The following SIMC1 variants were observed in gnomAD, a reference collection of about 807,000 sequenced individuals.
The protein encoded by SIMC1 is SUMO interacting motifs containing 1.
In SIMC1, 55 loss-of-function variants were observed where a neutral mutation model predicts 82.3. The ratio of observed to expected loss-of-function variants is 0.67; its 90% CI spans 0.54 to 0.84. The LOEUF (loss-of-function observed/expected upper bound fraction) is 0.84. SIMC1 is among the 40% of genes least tolerant of loss of function. The pLI is 0.00. For missense variants in SIMC1, 915 were observed against 1,107.2 expected (o/e 0.83, Z 2.46); for synonymous variants, 353 against 426.3 (o/e 0.83, Z 2.12).
chr5:176,313,612 A>G, intron 4 of SIMC1, 79 bp from the exon 5 acceptor site: 1 of 1,578,456 alleles, frequency 6.3e-7, no homozygotes, highest in Non-Finnish European at 8.6e-7. Flanking sequence ...TCTTGGGCTT[A>G]GTATTTATGA....
chr5:176,323,771 G>C (rs1031157358), intron 6 of SIMC1, among the ~76,000 whole-genome samples: 1 of 152,066 alleles, frequency 6.6e-6, no homozygotes, highest in Non-Finnish European at 1.5e-5. Context: ...TGGATCATGA[G>C]GTCAGGAGAT....
At chr5:176,329,819 A>G (rs1162415928) in intron 7 of SIMC1, among the ~76,000 whole-genome samples, 2 of 152,234 alleles carry the variant, frequency 1.3e-5, no homozygotes, top group African/African-American at 4.8e-5. Flanking sequence ...TGTCAGAGAA[A>G]AGATTTACAC....
At chr5:176,303,319 A>G (rs1198946555) in intron 4 of SIMC1, among the ~76,000 whole-genome samples, 1 of 137,260 alleles carries the variant, frequency 7.3e-6, no homozygotes, top group Non-Finnish European at 1.5e-5. Flanking sequence ...CCAAATAGCC[A>G]AAGCAATTTT....
chr5:176,329,496 TAAAAA>T (rs60571584), intron 7 of SIMC1, among the ~76,000 whole-genome samples: 1 of 126,594 alleles, frequency 7.9e-6, no homozygotes, highest in Admixed American at 8.2e-5. Flanking sequence ...ACTCCCTCTT[TAAAAA>T]AAAAAAAAAA....
chr5:176,306,775 C>A (rs991911817), intron 4 of SIMC1, among the ~76,000 whole-genome samples: 1 of 146,348 alleles, frequency 6.8e-6, no homozygotes, highest in African/African-American at 2.5e-5. Context: ...ACAAACACTG[C>A]GGAGGCCGCA....
At chr5:176,294,455 T>C (rs1763713484) in intron 2 of SIMC1, among the ~76,000 whole-genome samples, 1 of 152,076 alleles carries the variant, frequency 6.6e-6, no homozygotes, top group East Asian at 1.9e-4. Context: ...ATTTTTATAT[T>C]TTTAGTAGAG....
At chr5:176,280,697 C>T (rs1762961068) in intron 1 of SIMC1, among the ~76,000 whole-genome samples, 1 of 152,150 alleles carries the variant, frequency 6.6e-6, no homozygotes, top group Admixed American at 6.5e-5. Context: ...ACTTATGAAG[C>T]TTCGTTTGGC....
intron 4 of SIMC1, among the ~76,000 whole-genome samples, chr5:176,305,520 G>C (rs1253010724): frequency 1.5e-5 from 2 of 132,694 alleles, no homozygotes; most frequent in South Asian, 2.3e-4. Context: ...CACCCCGTCT[G>C]GGAGGGAGGT....
At chr5:176,278,854 G>A (rs561349791) in intron 1 of SIMC1, among the ~76,000 whole-genome samples, 1 of 150,342 alleles carries the variant, frequency 6.7e-6, no homozygotes, top group Non-Finnish European at 1.5e-5. Flanking sequence ...CGGTTTGCCA[G>A]TATTTTATTG....
chr5:176,317,001 C>A (rs1764940106), intron 5 of SIMC1, among the ~76,000 whole-genome samples: 1 of 152,146 alleles, frequency 6.6e-6, no homozygotes, highest in African/African-American at 2.4e-5. Flanking sequence ...ACAACAACAA[C>A]AAAGATAGGC....
Position 176,289,830 on chromosome 5 carries a change from C to G in SIMC1, c.306C>G (p.Ser102Arg), listed in dbSNP as rs753315987. The G allele has an allele frequency of 3.1e-6, 5 of 1,614,008 alleles. No homozygotes were observed. The South Asian group carries it at 5.5e-5, about 18-fold the overall frequency. The change falls in exon 2 of 10, where the codon AGC (serine) becomes AGG (arginine). Residue 102 changes from serine (S) to arginine (R), a missense_variant. This residue lies in a region of SIMC1 where 902 missense variants were observed against 1,040.3 expected (regional missense o/e 0.87). Coordinates refer to ENST00000429602, the MANE Select transcript of SIMC1 (RefSeq NM_001308195.2). ...KEPTSLQTCA[S>R]LSGKAVMEGH... is the part of the protein sequence containing the mutation. ...CAACCAGTCTTCAGACATGTGCCAG[C>G]CTCTCTGGCAAAGCGGTGATGGAAG... is the stretch of plus-strand genomic sequence containing the variant.
intron 4 of SIMC1, among the ~76,000 whole-genome samples, chr5:176,305,096 G>A (rs1477786302): frequency 6.7e-6 from 1 of 148,474 alleles, no homozygotes; most frequent in Non-Finnish European, 1.5e-5. Flanking sequence ...GAGGGAGGTG[G>A]GGGGTCAGCC....
At chr5:176,331,544 T>C (rs58862063) in intron 7 of SIMC1, among the ~76,000 whole-genome samples, 84 of 150,994 alleles carry the variant, frequency 5.6e-4, no homozygotes, top group African/African-American at 1.5e-3. Flanking sequence ...CGAACTCCTG[T>C]CCTCAAGTGA....
chr5:176,329,299 G>A (rs955853115), intron 7 of SIMC1, among the ~76,000 whole-genome samples: 4 of 152,074 alleles, frequency 2.6e-5, no homozygotes, highest in South Asian at 2.1e-4. Flanking sequence ...GTGAAACCCC[G>A]TCTCTTCTAA....
At chr5:176,286,180 A>T (rs549884111) in intron 1 of SIMC1, among the ~76,000 whole-genome samples, 1 of 152,294 alleles carries the variant, frequency 6.6e-6, no homozygotes, top group Non-Finnish European at 1.5e-5. Flanking sequence ...CATTGCCAAG[A>T]CAGTCCTAAG....
intron 1 of SIMC1, among the ~76,000 whole-genome samples, chr5:176,269,125 T>G (rs1016633685): frequency 1.3e-5 from 2 of 152,074 alleles, no homozygotes; most frequent in Non-Finnish European, 2.9e-5. Flanking sequence ...AATGTTAATG[T>G]TAGAAAAGAA....
At chr5:176,253,187 A>C (rs1472686400) in intron 1 of SIMC1, among the ~76,000 whole-genome samples, 7 of 152,076 alleles carry the variant, frequency 4.6e-5, no homozygotes, top group African/African-American at 1.7e-4. Context: ...AGAATGTTGA[A>C]TATTGGCCCC....
chr5:176,302,013 T>G (rs1199324881), intron 4 of SIMC1, among the ~76,000 whole-genome samples: 2 of 152,206 alleles, frequency 1.3e-5, no homozygotes, highest in Non-Finnish European at 2.9e-5. Context: ...GCACATCCTC[T>G]TATATACTTC....
At chr5:176,258,484 T>C (rs2113139414) in intron 1 of SIMC1, among the ~76,000 whole-genome samples, 1 of 150,376 alleles carries the variant, frequency 6.6e-6, no homozygotes, top group Non-Finnish European at 1.5e-5. Flanking sequence ...AGTAAACAGT[T>C]AAGTGGAAAA....
Sources: gnomAD v4.1 joint callset for allele counts (sites outside exome capture counted in the v4.1 genomes callset) on GRCh38, gnomAD v4.1.1 for gene constraint, gnomAD v4.1.1 regional missense constraint, MANE v1.5 for transcripts, NCBI Gene and HGNC (gene_info 2026-07-23, HGNC 2026-07-21) for gene names.